Variants in CBFB observed in about 807,000 individuals in gnomAD.
CBFB encodes the protein CBF-beta.
Under a neutral mutation model 30.4 loss-of-function variants are expected in CBFB, and 9 were observed. The observed-to-expected ratio is 0.30, with a 90% CI of 0.18 to 0.52. The LOEUF (loss-of-function observed/expected upper bound fraction) is 0.52. CBFB is among the 20% of genes least tolerant of loss of function. The pLI, the probability that CBFB is intolerant of heterozygous loss-of-function variation, is 0.97. For synonymous variants in CBFB, 94 were observed against 84.0 expected, an observed-to-expected ratio of 1.12 and a Z score of -0.65; for missense variants, 170 against 244.0, an observed-to-expected ratio of 0.70 and a Z score of 2.02.
intron 3 of CBFB, among the ~76,000 whole-genome samples, chr16:67,064,840 T>A (rs1961009112): frequency 6.6e-6 from 1 of 152,010 alleles, no homozygotes; most frequent in African/African-American, 2.4e-5. Flanking sequence ...TGTTTTTTAT[T>A]GTTGTTGTTT....
intron 5 of CBFB, among the ~76,000 whole-genome samples, chr16:67,089,338 C>CT (rs764326272): frequency 2.0e-5 from 3 of 151,982 alleles, no homozygotes; most frequent in Non-Finnish European, 2.9e-5. Flanking sequence ...AGTAGAATAT[C>CT]TAAGAAACTG....
intron 2 of CBFB, among the ~76,000 whole-genome samples, chr16:67,032,960 C>A (rs1966378047): frequency 1.3e-5 from 2 of 152,122 alleles, no homozygotes; most frequent in Non-Finnish European, 2.9e-5. Context: ...GTGCAACCTC[C>A]GTCCCCCATG....
At chr16:67,063,957 TAATA>T (rs1960982332) in intron 3 of CBFB, among the ~76,000 whole-genome samples, 1 of 152,132 alleles carries the variant, frequency 6.6e-6, no homozygotes, top group Non-Finnish European at 1.5e-5. Flanking sequence ...ATTAAACAGG[TAATA>T]AATAATGCCA....
At chr16:67,064,001 C>T (rs544262882) in intron 3 of CBFB, among the ~76,000 whole-genome samples, 1 of 152,092 alleles carries the variant, frequency 6.6e-6, no homozygotes, top group Non-Finnish European at 1.5e-5. Flanking sequence ...CTGGATTTCC[C>T]AAAGGAAATA....
At position 67,029,314 on chromosome 16, in the gene CBFB, C is replaced by T. The variant is rs1966285729; in HGVS notation, c.-94C>T. The T allele has an allele frequency of 1.2e-6, 1 of 842,256 alleles. No homozygotes were observed. Among genetic ancestry groups the T allele is most frequent in the Non-Finnish European group, 1.6e-6 (1 of 624,708 alleles). The allele number at this position is 842,256 out of a possible 1,614,324, so 52.2% of individuals were successfully genotyped here. A position where few individuals can be genotyped will look rare whatever the true frequency, so the allele number is the denominator to read the frequency against. On this transcript the variant is annotated 5_prime_UTR_variant, in exon 1 of 6. Transcript: ENST00000412916. ...AAGGGAAGCGGGCGTCCGGGCGCCG[C>T]GGGTGGGCGGTCAGTCGGTCAGCGC...
rs539182434 is a variant in CBFB, at chr16:67,098,885, C to T, written c.*107C>T. 1.5e-5 allele frequency: 11 copies of T among 738,772 alleles called. No individual in the cohort carries two copies. The highest frequency in any genetic ancestry group is 4.6e-5 in the South Asian group (3 of 65,128). The allele number at this position is 738,772 out of a possible 1,614,324, so 45.8% of individuals were successfully genotyped here. A position where few individuals can be genotyped will look rare whatever the true frequency, so the allele number is the denominator to read the frequency against. ...GAAACTGTGATAACTGGAGGTACTA[C>T]GGTCTATTTCTCAACCTTAGGCAGT... On this transcript the variant is annotated 3_prime_UTR_variant, in exon 6 of 6. Coordinates refer to ENST00000412916, the MANE Select transcript of CBFB (RefSeq NM_022845.3).
chr16:67,077,933 A>G (rs1961448032), intron 4 of CBFB, among the ~76,000 whole-genome samples: 1 of 152,214 alleles, frequency 6.6e-6, no homozygotes, highest in African/African-American at 2.4e-5. Context: ...CCACCTGGCT[A>G]CGTTGTGCAG....
intron 5 of CBFB, among the ~76,000 whole-genome samples, chr16:67,085,045 T>G (rs1424286400): frequency 7.4e-6 from 1 of 135,822 alleles, no homozygotes; most frequent in East Asian, 1.9e-4. Context: ...TTAATATTAT[T>G]TAAAGTATTA....
intron 3 of CBFB, among the ~76,000 whole-genome samples, chr16:67,062,118 A>G (rs1960928052): frequency 6.6e-6 from 1 of 152,170 alleles, no homozygotes. Context: ...ATGAAAGAAC[A>G]TTTATAAATA....
intron 5 of CBFB, among the ~76,000 whole-genome samples, chr16:67,098,277 A>G (rs539117392): frequency 2.6e-5 from 4 of 152,280 alleles, no homozygotes; most frequent in East Asian, 3.9e-4. Flanking sequence ...CTGGGATTAC[A>G]GGTGTTGCCA....
rs1488184770 is a variant in CBFB at position 67,045,449 on chromosome 16, G to T, written c.282+8694G>T. Among the ~76,000 whole-genome samples, 4 of 152,064 alleles carry T rather than the reference G, an allele frequency of 2.6e-5. No homozygotes were observed. In the South Asian group the frequency reaches 8.3e-4, roughly 31 times the overall value. On this transcript the variant is annotated intron_variant, in intron 3 of 5. Coordinates refer to ENST00000412916, the MANE Select transcript of CBFB (RefSeq NM_022845.3). The stretch of plus-strand genomic sequence containing the variant: ...GGAGAATTGCTTGAACCCGGGAGGC[G>T]GAGGTTGCAGTGGGCTGAGATTGTA...
At chr16:67,066,824 G>A (rs201176556) in intron 4 of CBFB, 26 bp downstream of exon 4, 8 of 1,328,082 alleles carry the variant, frequency 6.0e-6, no homozygotes, top group African/African-American at 1.4e-5. Flanking sequence ...GCTTTATTGA[G>A]CATGGTCCCT....
intron 3 of CBFB, among the ~76,000 whole-genome samples, chr16:67,056,766 CG>C (rs1960738520): frequency 6.6e-6 from 1 of 151,532 alleles, no homozygotes; most frequent in African/African-American, 2.4e-5. Context: ...ACTGCAACTT[CG>C]GCTTCCCGGG....
chr16:67,070,927 G>A lies in CBFB; in HGVS notation c.399+4129G>A, dbSNP rs148429782. On this transcript the variant is annotated intron_variant, in intron 4 of 5. Coordinates refer to ENST00000412916, the MANE Select transcript of CBFB (RefSeq NM_022845.3). Reference sequence around the variant, plus strand: ...AAAATTTTTAACATTTTTTATACTTGGAGTTTTCCAAGCCTTATTTCCATA... The same window carrying A: ...AAAATTTTTAACATTTTTTATACTTAGAGTTTTCCAAGCCTTATTTCCATA... Among the ~76,000 whole-genome samples the A allele has an allele frequency of 2.9e-3, 439 of 152,206 alleles. 23 individuals are homozygous for A. In the East Asian group the frequency reaches 0.071, roughly 24 times the overall value.
At chr16:67,044,141 A>G (rs1217746763) in intron 3 of CBFB, among the ~76,000 whole-genome samples, 1 of 152,204 alleles carries the variant, frequency 6.6e-6, no homozygotes, top group Non-Finnish European at 1.5e-5. Context: ...ATTAGTCTTG[A>G]GTGGTCAGAT....
intron 4 of CBFB, among the ~76,000 whole-genome samples, chr16:67,074,920 C>T (rs1226689251): frequency 6.6e-6 from 1 of 152,116 alleles, no homozygotes; most frequent in Admixed American, 6.6e-5. Context: ...AGGCCAGGCG[C>T]AGTGGCTCAT....
chr16:67,048,106 G>T (rs1184856223), intron 3 of CBFB, among the ~76,000 whole-genome samples: 1 of 152,028 alleles, frequency 6.6e-6, no homozygotes, highest in Admixed American at 6.6e-5. Context: ...CAGGCGTGGT[G>T]TCGCATGCCT....
At chr16:67,029,907 C>T in intron 2 of CBFB, 94 bp downstream of exon 2, 1 of 747,592 alleles carries the variant, frequency 1.3e-6, no homozygotes, top group Non-Finnish European at 2.0e-6. Context: ...GCTGCTGCGG[C>T]TCCCGGAACT....
intron 2 of CBFB, among the ~76,000 whole-genome samples, chr16:67,032,334 A>G (rs909963195): frequency 8.5e-5 from 13 of 152,190 alleles, no homozygotes; most frequent in Admixed American, 2.0e-4. Context: ...CCAAAAATAA[A>G]ACAAGTATCT....
Sources: allele counts gnomAD v4.1 joint callset (sites outside exome capture counted in the v4.1 genomes callset), GRCh38; gene constraint gnomAD v4.1.1; transcripts MANE v1.5; gene names NCBI Gene and HGNC (gene_info 2026-07-23, HGNC 2026-07-21).